FSD1: variants seen among roughly 807,000 people sequenced by gnomAD.
The protein encoded by FSD1 is fibronectin type III and SPRY domain containing 1.
A neutral mutation model predicts 58.2 loss-of-function variants in FSD1; 23 were observed. The observed-to-expected ratio is 0.40, with a 90% confidence interval of 0.28 to 0.56. The LOEUF (loss-of-function observed/expected upper bound fraction) is 0.56. Among genes scored for constraint, FSD1 ranks in the 20% least tolerant of loss-of-function variants. FSD1 has a pLI of 0.54. For missense variants in FSD1, 563 were observed against 670.8 expected (o/e 0.84, Z 1.78); for synonymous variants, 265 against 263.4 (o/e 1.01, Z -0.06).
At chr19:4,314,047 A>T (rs1971726012) in intron 7 of FSD1, among the ~76,000 whole-genome samples, 2 of 152,152 alleles carry the variant, frequency 1.3e-5, no homozygotes, top group African/African-American at 4.8e-5. Context: ...AAAGAAAAAA[A>T]AAGCCATCCT....
At chr19:4,318,537 G>C in intron 9 of FSD1, 32 bp downstream of exon 9, 1 of 1,533,854 alleles carries the variant, frequency 6.5e-7, no homozygotes, top group Non-Finnish European at 8.8e-7. Context: ...CTAAGTCTCT[G>C]GTGGAGGAGA....
intron 1 of FSD1, 118 bp from the exon 2 acceptor site, chr19:4,305,828 G>C: frequency 1.3e-6 from 1 of 753,432 alleles, no homozygotes; most frequent in Middle Eastern, 2.7e-4. Flanking sequence ...GCACGCGTGT[G>C]CATTTATGTA....
intron 3 of FSD1, among the ~76,000 whole-genome samples, chr19:4,306,672 G>A (rs1971626191): frequency 6.6e-6 from 1 of 151,818 alleles, no homozygotes; most frequent in South Asian, 2.1e-4. Flanking sequence ...TTCACCGTGT[G>A]GGCCAAGCTG....
At chr19:4,309,900 C>T (rs1235282544) in intron 4 of FSD1, among the ~76,000 whole-genome samples, 1 of 142,762 alleles carries the variant, frequency 7.0e-6, no homozygotes, top group Non-Finnish European at 1.5e-5. Flanking sequence ...CAGAGCAAGA[C>T]TCCATCTCAA....
rs1325493081 is a variant in FSD1 at position 4,323,457 on chromosome 19, C to T, written c.1380+21C>T. The T allele has an allele frequency of 6.2e-7, 1 of 1,608,748 alleles. No homozygotes were observed. The highest frequency in any genetic ancestry group is 8.5e-7 in the Non-Finnish European group (1 of 1,175,818). On this transcript the variant is annotated intron_variant, in intron 12 of 12. Transcript: ENST00000221856. The surrounding 1 kb of genome is among the most constrained non-coding windows in gnomAD (Gnocchi z 7.7). Reference sequence around the variant, plus strand: ...TCACGGTGAGCTGCCCTCCGCGGCCCAGGGGGAGGAGAGGGTGGTGCTGGG... The same window carrying T: ...TCACGGTGAGCTGCCCTCCGCGGCCTAGGGGGAGGAGAGGGTGGTGCTGGG...
intron 7 of FSD1, among the ~76,000 whole-genome samples, chr19:4,314,585 C>T (rs1055430371): frequency 6.6e-6 from 1 of 151,484 alleles, no homozygotes; most frequent in Non-Finnish European, 1.5e-5. Context: ...CTCCTGGGTT[C>T]AAGCAATTCT....
chr19:4,318,949 TG>T lies in FSD1; in HGVS notation c.1039+1del, dbSNP rs1386470794. ...TTCACCGCTGAGTCCTACACAGTTC[TG>T]GGTAAGGAAGGGGAGAAGAAAGGGG... is the stretch of plus-strand genomic sequence containing the variant. ...DRFTAESYTV[L>X]GDTLIDGGEH... On this transcript the variant is annotated frameshift_variant and splice_region_variant, in exon 10 of 13. Transcript: ENST00000221856. LOFTEE classifies it high-confidence loss of function. 1 of 1,612,984 alleles carries T rather than the reference TG, an allele frequency of 6.2e-7. No homozygotes were observed. Among genetic ancestry groups the T allele is most frequent in the Admixed American group, 1.7e-5 (1 of 59,976 alleles).
intron 7 of FSD1, among the ~76,000 whole-genome samples, chr19:4,316,125 A>G (rs1241003117): frequency 6.6e-6 from 1 of 150,450 alleles, no homozygotes; most frequent in Non-Finnish European, 1.5e-5. Context: ...CAGTGATGCA[A>G]TCATAGCTCA....
Position 4,311,953 on chromosome 19 carries a change from A to G in FSD1, c.602A>G (p.Glu201Gly), listed in dbSNP as rs773570628. 1 of 1,613,576 alleles carries G rather than the reference A, an allele frequency of 6.2e-7. No individual in the cohort carries two copies. Among genetic ancestry groups the G allele is most frequent in the East Asian group, 2.2e-5 (1 of 44,878 alleles). ...AGCAAGATTGACCACTACGTGCTGGAGTACCGGCGGACCAACTTCGAGGGC... is the reference window on the plus strand; with the variant it reads ...AGCAAGATTGACCACTACGTGCTGGGGTACCGGCGGACCAACTTCGAGGGC... ...EDSKIDHYVLEYRRTNFEGPP... is the reference protein window; with the variant it reads ...EDSKIDHYVLGYRRTNFEGPP... Residue 201 changes from glutamate (E) to glycine (G), a missense_variant, in exon 7 of 13, where the codon GAG becomes GGG. Glu to Gly is a moderately conservative substitution (Grantham distance 98). Coordinates refer to ENST00000221856, the MANE Select transcript of FSD1 (RefSeq NM_024333.3).
intron 10 of FSD1, among the ~76,000 whole-genome samples, chr19:4,322,315 C>T (rs1005265561): frequency 1.3e-4 from 8 of 61,734 alleles, no homozygotes; most frequent in African/African-American, 4.0e-4. Flanking sequence ...TCTGGGGGGG[C>T]GGATAGCTGG....
chr19:4,320,021 G>A (rs1971796931), intron 10 of FSD1, among the ~76,000 whole-genome samples: 1 of 152,064 alleles, frequency 6.6e-6, no homozygotes, highest in South Asian at 2.1e-4. Flanking sequence ...AATCTGGATT[G>A]TGTACAGAGC....
At chr19:4,322,835 T>TCTGGGGGGTAC in intron 10 of FSD1, 151 bp from the exon 11 acceptor site, 1 of 933,516 alleles carries the variant, frequency 1.1e-6, no homozygotes, top group Non-Finnish European at 1.6e-6. Flanking sequence ...CTGAGGAGTA[T>TCTGGGGGGTAC]CTGGGGGGTA....
chr19:4,304,664 G>C lies in FSD1; in HGVS notation c.-83G>C. 1.1e-6 allele frequency: 1 copy of C among 899,472 alleles called. No homozygotes were observed. Among genetic ancestry groups the C allele is most frequent in the Non-Finnish European group, 1.5e-6 (1 of 686,058 alleles). The allele number at this position is 899,472 out of a possible 1,614,324, so 55.7% of individuals were successfully genotyped here. On this transcript the variant is annotated 5_prime_UTR_variant, in exon 1 of 13. Coordinates refer to ENST00000221856, the MANE Select transcript of FSD1 (RefSeq NM_024333.3). ...GCGGCGAGGGCTCGGCGGGCCATTG[G>C]CTACCGGCCGCGGCAAAGGCAGCTT...
chr19:4,306,420 T>C lies in FSD1; in HGVS notation c.243+91T>C, dbSNP rs1971623186. 5.2e-6 allele frequency: 7 copies of C among 1,344,260 alleles called. No homozygotes were observed. In the East Asian group the frequency reaches 1.6e-4, roughly 32 times the overall value. The allele number at this position is 1,344,260 out of a possible 1,614,324, so 83.3% of individuals were successfully genotyped here. ...GCACCTTCCTCCAAAAACTGGGTGC[T>C]CTCGAGTTTCTGATCTCTCCCCTGA... is the stretch of plus-strand genomic sequence containing the variant. On this transcript the variant is annotated intron_variant, in intron 3 of 12. Coordinates refer to ENST00000221856, the MANE Select transcript of FSD1 (RefSeq NM_024333.3).
At chr19:4,309,881 C>G (rs1971668817) in intron 4 of FSD1, among the ~76,000 whole-genome samples, 1 of 149,488 alleles carries the variant, frequency 6.7e-6, no homozygotes, top group South Asian at 2.1e-4. Flanking sequence ...TGCACTCCAG[C>G]CTGAACGACA....
intron 6 of FSD1, 142 bp from the exon 7 acceptor site, chr19:4,311,700 C>A: frequency 1.5e-6 from 1 of 649,686 alleles, no homozygotes; most frequent in Non-Finnish European, 2.7e-6. Context: ...AAAAAAAAGT[C>A]TCCACCCTGC....
intron 10 of FSD1, among the ~76,000 whole-genome samples, chr19:4,322,428 G>A (rs945407101): frequency 6.6e-6 from 1 of 151,722 alleles, no homozygotes; most frequent in African/African-American, 2.4e-5. Flanking sequence ...AGGAACCAAG[G>A]AGTATCTGGA....
At position 4,323,499 on chromosome 19, in the gene FSD1, T is replaced by TGTGGGGG; in HGVS notation, c.1381-33_1381-32insTGGGGGG. On this transcript the variant is annotated intron_variant, in intron 12 of 12. Transcript: ENST00000221856. The surrounding 1 kb of genome is among the most constrained non-coding windows in gnomAD (Gnocchi z 7.7). Reference sequence around the variant, plus strand: ...GGTGCTGGGCGCTGGGGTTTGAAGCTGAGCCCCTCCCCCCTCCCCCCGCTG... The same window carrying TGTGGGGG: ...GGTGCTGGGCGCTGGGGTTTGAAGCTGTGGGGGGAGCCCCTCCCCCCTCCCCCCGCTG... 1.3e-6 allele frequency: 2 copies of TGTGGGGG among 1,577,814 alleles called. No individual in the cohort carries two copies. Among genetic ancestry groups the TGTGGGGG allele is most frequent in the Non-Finnish European group, 1.7e-6 (2 of 1,148,718 alleles).
chr19:4,313,765 G>A (rs570315371), intron 7 of FSD1, among the ~76,000 whole-genome samples: 136 of 150,482 alleles, frequency 9.0e-4, no homozygotes, highest in African/African-American at 3.1e-3. Flanking sequence ...GGTGGCTCAC[G>A]CTGTAATCCC....
Sources: allele counts gnomAD v4.1 joint callset (sites outside exome capture counted in the v4.1 genomes callset), GRCh38; gene constraint gnomAD v4.1.1; non-coding constraint Gnocchi (gnomAD v3.1); transcripts MANE v1.5; gene names NCBI Gene and HGNC (gene_info 2026-07-23, HGNC 2026-07-21).